The following PITPNC1 variants were observed in gnomAD, a reference collection of about 807,000 sequenced individuals.
PITPNC1 encodes cytoplasmic phosphatidylinositol transfer protein 1.
In PITPNC1, 18 loss-of-function variants were observed where a neutral mutation model predicts 44.7. The observed-to-expected ratio is 0.40, with a 90% confidence interval of 0.28 to 0.60. The LOEUF (loss-of-function observed/expected upper bound fraction) is 0.60. Among genes scored for constraint, PITPNC1 ranks in the 20% least tolerant of loss-of-function variants. PITPNC1 has a pLI of 0.39. For synonymous variants in PITPNC1, 141 were observed against 149.6 expected (o/e 0.94, Z 0.42); for missense variants, 290 against 418.4 (o/e 0.69, Z 2.68).
intron 5 of PITPNC1, among the ~76,000 whole-genome samples, chr17:67,587,989 C>G (rs923032531): frequency 1.3e-5 from 2 of 151,994 alleles, no homozygotes; most frequent in Non-Finnish European, 2.9e-5. Context: ...CAATAGCCAT[C>G]GTGAAGTTTG....
chr17:67,525,958 C>T (rs770428874), intron 1 of PITPNC1, among the ~76,000 whole-genome samples: 4 of 152,150 alleles, frequency 2.6e-5, no homozygotes, highest in Admixed American at 6.5e-5. Context: ...GGTGATATGG[C>T]GTCCGCCCAT....
chr17:67,441,284 C>CA (rs555455949), intron 1 of PITPNC1, among the ~76,000 whole-genome samples: 17 of 150,470 alleles, frequency 1.1e-4, no homozygotes, highest in South Asian at 2.1e-4. Context: ...TAAGCCCCCC[C>CA]CCGCCACCCA....
At chr17:67,527,300 G>A (rs1312006319) in intron 1 of PITPNC1, among the ~76,000 whole-genome samples, 3 of 152,160 alleles carry the variant, frequency 2.0e-5, no homozygotes, top group Non-Finnish European at 4.4e-5. Context: ...TGGGGGGTCA[G>A]AATCCCAATT....
chr17:67,682,182 AGAGT>A (rs1354087850), intron 8 of PITPNC1, among the ~76,000 whole-genome samples: 1 of 152,212 alleles, frequency 6.6e-6, no homozygotes. Context: ...GCCTGGGGAC[AGAGT>A]GAGACTCTGT....
chr17:67,388,785 T>C (rs2038092698), intron 1 of PITPNC1, among the ~76,000 whole-genome samples: 1 of 151,750 alleles, frequency 6.6e-6, no homozygotes, highest in Non-Finnish European at 1.5e-5. Flanking sequence ...CACACCTGGC[T>C]GGTCTTGTAT....
chr17:67,450,109 A>T (rs1343902681), intron 1 of PITPNC1, among the ~76,000 whole-genome samples: 1 of 152,256 alleles, frequency 6.6e-6, no homozygotes, highest in East Asian at 1.9e-4. Context: ...TACTTCCTGT[A>T]AACCCAATTA....
chr17:67,604,372 CAT>C (rs1407030168), intron 5 of PITPNC1, among the ~76,000 whole-genome samples: 1 of 152,146 alleles, frequency 6.6e-6, no homozygotes, highest in African/African-American at 2.4e-5. Flanking sequence ...ATGCTGGTGA[CAT>C]ATGAAGGAGG....
intron 1 of PITPNC1, among the ~76,000 whole-genome samples, chr17:67,407,191 G>C (rs1212128569): frequency 6.6e-6 from 1 of 152,070 alleles, no homozygotes; most frequent in Non-Finnish European, 1.5e-5. Flanking sequence ...TGTCTTTTTG[G>C]TCCTAGCCAT....
At chr17:67,503,552 C>G (rs1233933827) in intron 1 of PITPNC1, among the ~76,000 whole-genome samples, 2 of 152,082 alleles carry the variant, frequency 1.3e-5, no homozygotes, top group African/African-American at 2.4e-5. Context: ...CCCTTTGTTT[C>G]TTGAAACAAA....
chr17:67,425,205 A>G (rs28498239), intron 1 of PITPNC1, among the ~76,000 whole-genome samples: 21,117 of 42,790 alleles, frequency 0.49, 3,564 homozygotes, highest in Middle Eastern at 0.58. Context: ...ACGCACACGC[A>G]CACACACACA....
rs113474663 is a variant in PITPNC1, at chr17:67,411,073, C to T, written c.48+32871C>T. ...CTCCAGCCTGGGTGACAGAGTGAGA[C>T]TCCCATCTCAAAAAAAAAAAAAAAA... On this transcript the variant is annotated intron_variant, in intron 1 of 8. Transcript: ENST00000581322. Among the ~76,000 whole-genome samples the T allele has an allele frequency of 3.1e-3, 331 of 107,498 alleles. 4 individuals carry two copies. Among genetic ancestry groups the T allele is most frequent in the African/African-American group, 0.012 (310 of 24,994 alleles). 70.5% of individuals were successfully genotyped at this position (107,498 alleles called of 152,430 possible).
chr17:67,517,746 T>C (rs1047953022), intron 1 of PITPNC1, among the ~76,000 whole-genome samples: 3 of 152,188 alleles, frequency 2.0e-5, no homozygotes, highest in Non-Finnish European at 4.4e-5. Context: ...TTGCTGGGAC[T>C]GGGAGGAGAA....
At chr17:67,529,830 C>A (rs2040437391) in intron 1 of PITPNC1, among the ~76,000 whole-genome samples, 1 of 152,120 alleles carries the variant, frequency 6.6e-6, no homozygotes, top group African/African-American at 2.4e-5. Context: ...CGCCTGTAAT[C>A]CCAGCTGCTT....
At chr17:67,655,584 C>G (rs1385120087) in intron 6 of PITPNC1, among the ~76,000 whole-genome samples, 3 of 97,372 alleles carry the variant, frequency 3.1e-5, no homozygotes, top group Non-Finnish European at 5.9e-5. Context: ...AAAAAAAAAG[C>G]ACTAATTGCC....
intron 2 of PITPNC1, among the ~76,000 whole-genome samples, chr17:67,538,986 C>A (rs1446908902): frequency 4.9e-5 from 7 of 142,930 alleles, no homozygotes; most frequent in Admixed American, 2.8e-4. Flanking sequence ...AAAAAAAAGA[C>A]AATAATCCAA....
chr17:67,605,380 G>A (rs906346551), intron 5 of PITPNC1, among the ~76,000 whole-genome samples: 9 of 152,294 alleles, frequency 5.9e-5, no homozygotes, highest in East Asian at 3.9e-4. Context: ...TGGTCTGCAA[G>A]ACCTTGGACT....
intron 1 of PITPNC1, among the ~76,000 whole-genome samples, chr17:67,391,175 C>G (rs1214657845): frequency 6.6e-6 from 1 of 151,644 alleles, no homozygotes; most frequent in African/African-American, 2.4e-5. Context: ...CTTTTTAATT[C>G]CTTTAGCATC....
At chr17:67,650,832 T>G (rs1330186456) in intron 6 of PITPNC1, among the ~76,000 whole-genome samples, 1 of 152,168 alleles carries the variant, frequency 6.6e-6, no homozygotes, top group Non-Finnish European at 1.5e-5. Context: ...AGCAATGAGT[T>G]TCAAGTGTTT....
chr17:67,559,574 A>G (rs2040880529), intron 4 of PITPNC1, among the ~76,000 whole-genome samples: 2 of 152,214 alleles, frequency 1.3e-5, no homozygotes, highest in African/African-American at 4.8e-5. Context: ...CACGGGCCTG[A>G]AAAGCACCCT....
Sources: allele counts gnomAD v4.1 joint callset (sites outside exome capture counted in the v4.1 genomes callset), GRCh38; gene constraint gnomAD v4.1.1; transcripts MANE v1.5; gene names NCBI Gene and HGNC (gene_info 2026-07-23, HGNC 2026-07-21).